The following DENND2B variants were observed in gnomAD, a reference collection of about 807,000 sequenced individuals.
DENND2B encodes the protein DENN domain containing 2B, also known as DENN domain-containing protein 2B.
A neutral mutation model predicts 116.0 loss-of-function variants in DENND2B; 32 were observed. The observed-to-expected ratio is 0.28, with a 90% confidence interval of 0.21 to 0.37. DENND2B has a LOEUF of 0.37. DENND2B is among the 10% of genes least tolerant of loss of function. DENND2B has a pLI of 1.00. For synonymous variants in DENND2B, 588 were observed against 583.9 expected (o/e 1.01, Z -0.10); for missense variants, 1,276 against 1,477.7 (o/e 0.86, Z 2.24).
At chr11:8,883,138 TA>T (rs1195488907) in intron 1 of DENND2B, among the ~76,000 whole-genome samples, 1 of 152,228 alleles carries the variant, frequency 6.6e-6, no homozygotes, top group African/African-American at 2.4e-5. Context: ...CCCAGATGGG[TA>T]CCTGAACAGC....
chr11:8,701,344 C>CAGGG (rs1491336392), intron 14 of DENND2B, among the ~76,000 whole-genome samples: 5 of 11,238 alleles, frequency 4.4e-4, no homozygotes, highest in South Asian at 2.9e-3. Flanking sequence ...GGCCAGCTTC[C>CAGGG]GGGGGGGGGG....
chr11:8,730,869 G>C lies in DENND2B; in HGVS notation c.421C>G (p.Pro141Ala). Residue 141 changes from proline (P) to alanine (A), a missense_variant, in exon 3 of 20, where the codon CCG becomes GCG. By Grantham distance (27) the Pro-to-Ala change is conservative. Transcript: ENST00000313726. The surrounding 1 kb of genome is among the most constrained non-coding windows in gnomAD (Gnocchi z 4.1). ...CCCCGGGGGCCAGCTGCTGGCCCCG[G>C]GAATGGCGTGCTCTGGGCAAGGGGG... The part of the protein sequence containing the change: ...CLPLAQSTPF[P>A]GPAAGPRGVL... 6.2e-7 allele frequency: 1 copy of C among 1,613,702 alleles called. No homozygotes were observed. Among genetic ancestry groups the C allele is most frequent in the Non-Finnish European group, 8.5e-7 (1 of 1,180,034 alleles).
At position 8,726,204 on chromosome 11, in the gene DENND2B, G is replaced by C. The variant is rs141549433; in HGVS notation, c.1346C>G (p.Ser449Cys). 3.1e-6 allele frequency: 5 copies of C among 1,607,804 alleles called. No individual in the cohort carries two copies. The highest frequency in any genetic ancestry group is 1.3e-5 in the African/African-American group (1 of 74,504). The change falls in exon 4 of 20, where the codon TCC (serine) becomes TGC (cysteine). Residue 449 changes from serine (S) to cysteine (C), a missense_variant. Physicochemically the swap from Ser to Cys is moderately radical, Grantham distance 112. Transcript: ENST00000313726. ...ACTGGATGCATCCTCAAACTCAAAG[G>C]ATTTTCTGTGGATAACAAGAGCAAG... Reference protein sequence around the residue: ...RGHRKSQSRKSFEFEDASSLQ... With the variant: ...RGHRKSQSRKCFEFEDASSLQ...
At chr11:8,860,994 T>G (rs1355704952) in intron 2 of DENND2B, among the ~76,000 whole-genome samples, 2 of 152,042 alleles carry the variant, frequency 1.3e-5, no homozygotes, top group Non-Finnish European at 2.9e-5. Flanking sequence ...CGCAGAAGAA[T>G]GAAACTGGAT....
At chr11:8,694,951 A>C (rs566564957) in intron 19 of DENND2B, among the ~76,000 whole-genome samples, 1 of 152,132 alleles carries the variant, frequency 6.6e-6, no homozygotes. Flanking sequence ...AGTCCCAGCT[A>C]CTCAGGAGGT....
intron 1 of DENND2B, among the ~76,000 whole-genome samples, chr11:8,795,602 T>C (rs2059747912): frequency 6.6e-6 from 1 of 152,192 alleles, no homozygotes; most frequent in African/African-American, 2.4e-5. Context: ...CTTTCTGCTC[T>C]AAATGAATTT....
At chr11:8,893,109 A>G (rs1051270048) in intron 1 of DENND2B, among the ~76,000 whole-genome samples, 1 of 152,206 alleles carries the variant, frequency 6.6e-6, no homozygotes, top group African/African-American at 2.4e-5. Context: ...AAATCAATAA[A>G]CATAATCCAG....
Position 8,710,752 on chromosome 11 carries a change from G to GGC in DENND2B, c.2352+91_2352+92dup, listed in dbSNP as rs929343831. The GGC allele has an allele frequency of 1.4e-5, 14 of 970,076 alleles. No individual in the cohort carries two copies. The African/African-American group carries it at 1.6e-4, about 11-fold the overall frequency. The allele number at this position is 970,076 out of a possible 1,614,324, so 60.1% of individuals were successfully genotyped here. ...TTCATACAAGCTAAAATTGCAGAAG[G>GGC]GCACACACACACACACACACACACA... On this transcript the variant is annotated intron_variant, in intron 11 of 19. Transcript: ENST00000313726.
chr11:8,776,174 A>G (rs947596884), intron 1 of DENND2B: 19 of 454,732 alleles, frequency 4.2e-5, no homozygotes, highest in Admixed American at 1.2e-4. Context: ...ACACACACAC[A>G]CACACACACA....
Position 8,717,737 on chromosome 11 carries a change from T to C in DENND2B, c.1629+4A>G. ...CCTACAGGCCGATGTCAGGGCTGAG[T>C]TACCTGTGTGGGCGGGCTGTTGTAC... is the stretch of plus-strand genomic sequence containing the variant. On this transcript the variant is annotated splice_donor_region_variant and intron_variant, in intron 5 of 19. Transcript: ENST00000313726. The C allele has an allele frequency of 6.4e-7, 1 of 1,554,684 alleles. No homozygotes were observed. The highest frequency in any genetic ancestry group is 8.7e-7 in the Non-Finnish European group (1 of 1,145,620).
intron 4 of DENND2B, among the ~76,000 whole-genome samples, chr11:8,817,215 A>G (rs1037236519): frequency 3.3e-5 from 5 of 152,200 alleles, no homozygotes; most frequent in African/African-American, 7.2e-5. Flanking sequence ...ACAGCTGACA[A>G]TACCTAAGTT....
At chr11:8,763,013 C>A (rs182493765) in intron 1 of DENND2B, among the ~76,000 whole-genome samples, 1 of 152,118 alleles carries the variant, frequency 6.6e-6, no homozygotes, top group African/African-American at 2.4e-5. Context: ...ACCAAGAACT[C>A]ATATCCAGAA....
In DENND2B at chr11:8,856,542, T is replaced by C. The variant is rs76715488; in HGVS notation, c.-156+801A>G. Among the ~76,000 whole-genome samples, 977 of 152,200 alleles carry C rather than the reference T, an allele frequency of 6.4e-3. 53 individuals carry two copies. The East Asian group carries it at 0.11, about 17-fold the overall frequency. The stretch of plus-strand genomic sequence containing the variant: ...ACAACTTATCCGTCCAAAGCATTTG[T>C]GGGCCCAGGAGACAGGTTTTACTTC... On this transcript the variant is annotated intron_variant, in intron 3 of 6. Coordinates refer to the DENND2B transcript ENST00000524757.
At chr11:8,726,245 A>G (rs1260885517) in intron 3 of DENND2B, 36 bp from the exon 4 acceptor site, 1 of 1,579,668 alleles carries the variant, frequency 6.3e-7, no homozygotes, top group African/African-American at 1.4e-5. Context: ...TTCCTGCTGA[A>G]TCAGATCTCT....
intron 15 of DENND2B, 29 bp downstream of exon 15, chr11:8,699,184 C>T (rs763022547): frequency 6.5e-7 from 1 of 1,536,650 alleles, no homozygotes; most frequent in Non-Finnish European, 8.7e-7. Flanking sequence ...CTCCACCCTT[C>T]CCCCCAGCTG....
At chr11:8,756,729 C>T (rs1201237890) in intron 1 of DENND2B, among the ~76,000 whole-genome samples, 1 of 152,208 alleles carries the variant, frequency 6.6e-6, no homozygotes, top group Non-Finnish European at 1.5e-5. Flanking sequence ...CTCCCCACCT[C>T]CTACAAGCAG....
intron 1 of DENND2B, among the ~76,000 whole-genome samples, chr11:8,770,962 C>T (rs1275906481): frequency 6.6e-6 from 1 of 152,224 alleles, no homozygotes; most frequent in Non-Finnish European, 1.5e-5. Context: ...TCTGATAGCA[C>T]TTATGCCATG....
chr11:8,887,887 T>C (rs1466613752), intron 1 of DENND2B, among the ~76,000 whole-genome samples: 1 of 152,210 alleles, frequency 6.6e-6, no homozygotes, highest in African/African-American at 2.4e-5. Flanking sequence ...ACTTCCAGTA[T>C]ACACCCAATC....
chr11:8,711,257 T>C (rs769935873), intron 9 of DENND2B, 26 bp from the exon 10 acceptor site: 4 of 1,609,220 alleles, frequency 2.5e-6, no homozygotes, highest in Middle Eastern at 1.7e-4. Context: ...AACCAGGAGA[T>C]GACATGGAAC....
Sources: gnomAD v4.1 joint callset for allele counts (sites outside exome capture counted in the v4.1 genomes callset) on GRCh38, gnomAD v4.1.1 for gene constraint, Gnocchi (gnomAD v3.1) non-coding constraint, MANE v1.5 for transcripts, NCBI Gene and HGNC (gene_info 2026-07-23, HGNC 2026-07-21) for gene names.